Variants in PTPRR observed in about 807,000 individuals in gnomAD.
PTPRR encodes the protein receptor-type tyrosine-protein phosphatase R.
PTPRR carries 38 observed loss-of-function variants against 77.2 expected under a neutral mutation model. That is an observed-to-expected ratio of 0.49 (90% confidence interval 0.38 to 0.65). The LOEUF (loss-of-function observed/expected upper bound fraction) is 0.65. PTPRR is among the 30% of genes least tolerant of loss of function. The probability of loss-of-function intolerance (pLI) is 0.00; values close to 1 mark genes in which losing one functional copy is unlikely to be tolerated. For missense variants in PTPRR, 744 were observed against 799.2 expected (o/e 0.93, Z 0.83); for synonymous variants, 299 against 283.1 (o/e 1.06, Z -0.57).
chr12:70,694,589 G>T (rs1043959513), intron 8 of PTPRR, among the ~76,000 whole-genome samples: 2 of 152,038 alleles, frequency 1.3e-5, no homozygotes, highest in African/African-American at 4.8e-5. Context: ...ACTTATAAGT[G>T]AGAGCTAAAT....
chr12:70,703,059 G>A (rs1160536008), intron 6 of PTPRR, among the ~76,000 whole-genome samples: 1 of 141,408 alleles, frequency 7.1e-6, no homozygotes, highest in African/African-American at 2.6e-5. Flanking sequence ...TACTGGATTT[G>A]TCAAAGCCTG....
At chr12:70,782,399 T>C (rs1472218163) in intron 2 of PTPRR, among the ~76,000 whole-genome samples, 2 of 152,316 alleles carry the variant, frequency 1.3e-5, no homozygotes, top group South Asian at 2.1e-4. Context: ...CGTATGTTTA[T>C]TGTGGCACTA....
At chr12:70,902,375 A>G (rs1281186794) in intron 1 of PTPRR, among the ~76,000 whole-genome samples, 1 of 151,892 alleles carries the variant, frequency 6.6e-6, no homozygotes, top group Non-Finnish European at 1.5e-5. Context: ...ACACGTTTAT[A>G]GCAGCACAAT....
In PTPRR at chr12:70,666,935, G is replaced by GTTTTTTTTTTTTTTTTTTTTTTTTTT. The variant is rs142691396; in HGVS notation, c.1498-4356_1498-4331dup. ...TTTTTGATTAACTGTGTGTTTTTCT[G>GTTTTTTTTTTTTTTTTTTTTTTTTTT]TTTTTTTTTTTTTTTTTTTTTTTTT... is the stretch of plus-strand genomic sequence containing the variant. On this transcript the variant is annotated intron_variant, in intron 10 of 13. Transcript: ENST00000283228. Among the ~76,000 whole-genome samples, 7 of 29,050 alleles carry GTTTTTTTTTTTTTTTTTTTTTTTTTT rather than the reference G, an allele frequency of 2.4e-4. 3 individuals carry two copies. The highest frequency in any genetic ancestry group is 2.8e-4 in the Non-Finnish European group (3 of 10,902). 19.1% of individuals were successfully genotyped at this position (29,050 alleles called of 152,430 possible).
intron 10 of PTPRR, among the ~76,000 whole-genome samples, chr12:70,680,588 G>A (rs1290205711): frequency 6.6e-6 from 1 of 152,208 alleles, no homozygotes; most frequent in East Asian, 1.9e-4. Flanking sequence ...CACTTGGCTG[G>A]TGAGCACAAG....
intron 10 of PTPRR, among the ~76,000 whole-genome samples, chr12:70,666,840 C>A (rs1345067277): frequency 6.7e-6 from 1 of 149,508 alleles, no homozygotes; most frequent in African/African-American, 2.5e-5. Flanking sequence ...AATAAACAAA[C>A]ACATTTGAAT....
intron 6 of PTPRR, among the ~76,000 whole-genome samples, chr12:70,719,304 C>T (rs113050107): frequency 6.6e-6 from 1 of 152,104 alleles, no homozygotes; most frequent in Non-Finnish European, 1.5e-5. Context: ...AGGCTGTCCT[C>T]GATAAGGCAT....
chr12:70,893,456 C>G (rs1257958669), intron 1 of PTPRR, among the ~76,000 whole-genome samples: 3 of 151,940 alleles, frequency 2.0e-5, no homozygotes, highest in Non-Finnish European at 4.4e-5. Flanking sequence ...TTTAAGCTCT[C>G]TGAGGTAAGA....
intron 2 of PTPRR, among the ~76,000 whole-genome samples, chr12:70,794,912 CA>C (rs1221743945): frequency 1.3e-5 from 2 of 152,124 alleles, no homozygotes; most frequent in Non-Finnish European, 2.9e-5. Context: ...ATATGTCATG[CA>C]AAACTAAAAG....
chr12:70,898,984 T>C (rs1411256041), intron 1 of PTPRR, among the ~76,000 whole-genome samples: 5 of 151,292 alleles, frequency 3.3e-5, no homozygotes, highest in African/African-American at 1.2e-4. Flanking sequence ...GATAAAACGA[T>C]CAAATCCTTA....
intron 10 of PTPRR, among the ~76,000 whole-genome samples, chr12:70,680,843 T>G (rs7315114): frequency 0.029 from 4,468 of 152,200 alleles, 95 homozygotes; most frequent in South Asian, 0.11. Context: ...TCCTTAGAAG[T>G]AGTGCACCCA....
intron 2 of PTPRR, among the ~76,000 whole-genome samples, chr12:70,785,633 T>G (rs948986525): frequency 5.3e-5 from 8 of 152,204 alleles, no homozygotes; most frequent in African/African-American, 1.4e-4. Context: ...CTCTATATAC[T>G]TTTTATGATA....
chr12:70,692,619 A>G (rs1163357873), intron 8 of PTPRR, among the ~76,000 whole-genome samples: 4 of 152,110 alleles, frequency 2.6e-5, no homozygotes, highest in Non-Finnish European at 5.9e-5. Flanking sequence ...CCATGGACCT[A>G]GGGCAATCTC....
At chr12:70,873,376 A>T (rs1480142375) in intron 2 of PTPRR, among the ~76,000 whole-genome samples, 2 of 152,164 alleles carry the variant, frequency 1.3e-5, no homozygotes, top group Non-Finnish European at 2.9e-5. Flanking sequence ...GTGCCTAGGG[A>T]TTTTATTTAC....
rs539985171 is a variant in PTPRR, at chr12:70,774,245, T to C, written c.358-9467A>G. On this transcript the variant is annotated intron_variant, in intron 2 of 13. Transcript: ENST00000283228. ...TGAGCTGGCACACAGTGTGCCTGAA[T>C]CCCCAGAGGCAGGATTTGGAGCCAA... 4.6e-5 allele frequency among the ~76,000 whole-genome samples: 7 copies of C among 152,286 alleles called. 1 individual carries two copies. The South Asian group carries it at 1.4e-3, about 32-fold the overall frequency.
chr12:70,763,291 G>A (rs1416659497), intron 3 of PTPRR, among the ~76,000 whole-genome samples: 1 of 151,844 alleles, frequency 6.6e-6, no homozygotes, highest in Non-Finnish European at 1.5e-5. Flanking sequence ...ACCATGCCCG[G>A]CCAATTTTTT....
intron 2 of PTPRR, among the ~76,000 whole-genome samples, chr12:70,854,034 C>T (rs569188065): frequency 6.6e-6 from 1 of 152,276 alleles, no homozygotes; most frequent in South Asian, 2.1e-4. Context: ...AGTGTTCTAT[C>T]AAACCTTAAC....
chr12:70,802,987 T>C (rs577516408), intron 2 of PTPRR, among the ~76,000 whole-genome samples: 26 of 152,338 alleles, frequency 1.7e-4, no homozygotes, highest in Non-Finnish European at 3.7e-4. Flanking sequence ...AATATTATCA[T>C]GTAGATTTGG....
intron 2 of PTPRR, among the ~76,000 whole-genome samples, chr12:70,871,090 A>G (rs1362509427): frequency 2.0e-5 from 3 of 152,188 alleles, no homozygotes; most frequent in African/African-American, 7.2e-5. Context: ...AGAGGGATCT[A>G]CCAGTGTTAA....
Sources: allele counts gnomAD v4.1 joint callset (sites outside exome capture counted in the v4.1 genomes callset), GRCh38; gene constraint gnomAD v4.1.1; transcripts MANE v1.5; gene names NCBI Gene and HGNC (gene_info 2026-07-23, HGNC 2026-07-21).